UBXN7: variants seen among roughly 807,000 people sequenced by gnomAD.
UBXN7 encodes UBX domain-containing protein 7.
In UBXN7, 9 loss-of-function variants were observed where a neutral mutation model predicts 58.0. The ratio of observed to expected loss-of-function variants is 0.16; its 90% CI spans 0.09 to 0.27. The LOEUF is 0.27. Ranked by LOEUF, UBXN7 falls within the 10% of genes least tolerant of loss-of-function variation. The pLI is 1.00. For missense variants in UBXN7, 328 were observed against 599.6 expected, an observed-to-expected ratio of 0.55 and a Z score of 4.73; for synonymous variants, 208 against 205.0, an observed-to-expected ratio of 1.01 and a Z score of -0.12.
Position 196,362,392 on chromosome 3 carries a change from G to A in UBXN7, c.1130C>T (p.Thr377Ile), listed in dbSNP as rs751775076. The A allele has an allele frequency of 1.9e-6, 3 of 1,614,206 alleles. No homozygotes were observed. The highest frequency in any genetic ancestry group is 2.5e-6 in the Non-Finnish European group (3 of 1,180,048). Residue 377 changes from threonine (T) to isoleucine (I), a missense_variant, in exon 9 of 11, where the codon ACA becomes ATA. Around this residue, in one of 4 missense-constraint regions of UBXN7, gnomAD observed 66 missense variants for 77.9 expected, o/e 0.85. Coordinates refer to ENST00000296328, the MANE Select transcript of UBXN7 (RefSeq NM_015562.2). ...TEPPVRTDPGTATNHQGLPAV... is the reference protein window; with the variant it reads ...TEPPVRTDPGIATNHQGLPAV... The stretch of plus-strand genomic sequence containing the variant: ...TGGCAATCCTTGGTGGTTTGTGGCT[G>A]TTCCAGGATCAGTTCTGACTGGTGG...
At chr3:196,370,496 G>C (rs1020781622) in intron 6 of UBXN7, among the ~76,000 whole-genome samples, 1 of 150,930 alleles carries the variant, frequency 6.6e-6, no homozygotes. Flanking sequence ...AAGAAAGAAA[G>C]AAAAAAAGAT....
At chr3:196,417,172 G>T (rs1730518461) in intron 1 of UBXN7, among the ~76,000 whole-genome samples, 1 of 152,150 alleles carries the variant, frequency 6.6e-6, no homozygotes. Flanking sequence ...AATTAGCCGG[G>T]CGTGGTGGCG....
intron 2 of UBXN7, 30 bp downstream of exon 2, chr3:196,407,216 A>G (rs747198809): frequency 8.7e-6 from 14 of 1,605,392 alleles, no homozygotes; most frequent in African/African-American, 1.3e-5. Flanking sequence ...GGCAATGGAT[A>G]GCTCCTGACA....
chr3:196,358,361 T>C (rs1358074512), intron 10 of UBXN7, among the ~76,000 whole-genome samples: 3 of 152,226 alleles, frequency 2.0e-5, no homozygotes, highest in African/African-American at 7.2e-5. Flanking sequence ...TTCTATTCCA[T>C]GCAGGCATGA....
chr3:196,418,216 G>A (rs1159263481), intron 1 of UBXN7, among the ~76,000 whole-genome samples: 4 of 151,820 alleles, frequency 2.6e-5, no homozygotes, highest in African/African-American at 4.8e-5. Flanking sequence ...CAGCCTGGGC[G>A]ACAGCAAGAC....
At chr3:196,431,823 G>A (rs1731063410) in intron 1 of UBXN7, 1 of 402,824 alleles carries the variant, frequency 2.5e-6, no homozygotes, top group Non-Finnish European at 5.0e-6. Flanking sequence ...AACCCGCCAG[G>A]GCCACGGCGA....
At chr3:196,401,344 C>CA (rs1196217403) in intron 3 of UBXN7, among the ~76,000 whole-genome samples, 2 of 111,610 alleles carry the variant, frequency 1.8e-5, no homozygotes, top group Non-Finnish European at 3.6e-5. Context: ...CACATATATA[C>CA]AAAAAATAAA....
chr3:196,417,724 T>A (rs12185987), intron 1 of UBXN7, among the ~76,000 whole-genome samples: 4,887 of 31,646 alleles, frequency 0.15, 979 homozygotes, highest in East Asian at 0.49. Context: ...GCAAAATGGT[T>A]AAAAAAAAAA....
At chr3:196,388,099 A>G (rs2108843521) in intron 5 of UBXN7, among the ~76,000 whole-genome samples, 1 of 152,170 alleles carries the variant, frequency 6.6e-6, no homozygotes, top group South Asian at 2.1e-4. Context: ...TACAACATGG[A>G]ATACTATGCA....
chr3:196,381,386 G>C (rs1203034501), intron 5 of UBXN7, among the ~76,000 whole-genome samples: 1 of 152,220 alleles, frequency 6.6e-6, no homozygotes, highest in African/African-American at 2.4e-5. Flanking sequence ...CAGACCTACA[G>C]CTGAGGGACC....
At chr3:196,423,906 T>C (rs959536785) in intron 1 of UBXN7, among the ~76,000 whole-genome samples, 13 of 151,006 alleles carry the variant, frequency 8.6e-5, no homozygotes, top group African/African-American at 2.9e-4. Context: ...TTTTTTTTTT[T>C]TGAGACAGAG....
chr3:196,385,033 C>T (rs927814220), intron 5 of UBXN7, among the ~76,000 whole-genome samples: 9 of 152,186 alleles, frequency 5.9e-5, no homozygotes, highest in African/African-American at 9.6e-5. Context: ...CCCCTTTGCA[C>T]GGTCTCCCTC....
intron 1 of UBXN7, 35 bp downstream of exon 1, chr3:196,432,292 C>G (rs773152145): frequency 6.2e-6 from 10 of 1,612,368 alleles, no homozygotes; most frequent in Admixed American, 1.7e-5. Context: ...CGCTCCGGAC[C>G]CCACTCTCCA....
At position 196,351,166 on chromosome 3, in the gene UBXN7, T is replaced by C. The variant is rs1207218354; in HGVS notation, c.*5519A>G. The C allele has an allele frequency of 6.6e-6, 1 of 152,244 alleles. No individual in the cohort carries two copies. Among genetic ancestry groups the C allele is most frequent in the East Asian group, 1.9e-4 (1 of 5,198 alleles). The allele number at this position is 152,244 out of a possible 1,614,324, so 9.4% of individuals were successfully genotyped here. ...ACATTTTTAAGTCAGCCTAATTGTA[T>C]CTTTAAAAAGCTGTTTCTGCCAAAA... On this transcript the variant is annotated 3_prime_UTR_variant, in exon 11 of 11. Transcript: ENST00000296328.
chr3:196,355,435 G>A lies in UBXN7; in HGVS notation c.*1250C>T, dbSNP rs775790107. 7 of 152,128 alleles carry A rather than the reference G, an allele frequency of 4.6e-5. No individual in the cohort carries two copies. The highest frequency in any genetic ancestry group is 1.0e-4 in the Non-Finnish European group (7 of 68,024). 9.4% of individuals were successfully genotyped at this position (152,128 alleles called of 1,614,324 possible). A position where few individuals can be genotyped will look rare whatever the true frequency, so the allele number is the denominator to read the frequency against. On this transcript the variant is annotated 3_prime_UTR_variant, in exon 11 of 11. Coordinates refer to ENST00000296328, the MANE Select transcript of UBXN7 (RefSeq NM_015562.2). ...AATTTGATTTTGGGTTTTGTTGGCAGAAAAAGCCCAAGACATCTGAAAATT... is the reference window on the plus strand; with the variant it reads ...AATTTGATTTTGGGTTTTGTTGGCAAAAAAAGCCCAAGACATCTGAAAATT...
intron 1 of UBXN7, among the ~76,000 whole-genome samples, chr3:196,420,915 C>CTTT (rs1308630626): frequency 2.0e-5 from 3 of 152,156 alleles, no homozygotes; most frequent in Non-Finnish European, 4.4e-5. Flanking sequence ...GTCACAGAGA[C>CTTT]TTTTAAAAAC....
chr3:196,413,208 G>A lies in UBXN7; in HGVS notation c.74-5815C>T, dbSNP rs189745504. ...CAAAAATTAGCCAGGTGTGGTGGTG[G>A]GCACCCGTAATCCCAGCTACTGGGC... On this transcript the variant is annotated intron_variant, in intron 1 of 10. Coordinates refer to ENST00000296328, the MANE Select transcript of UBXN7 (RefSeq NM_015562.2). Among the ~76,000 whole-genome samples the A allele has an allele frequency of 4.2e-3, 641 of 152,090 alleles. 5 individuals are homozygous for A. Among genetic ancestry groups the A allele is most frequent in the African/African-American group, 0.014 (597 of 41,504 alleles).
chr3:196,381,824 C>G (rs554528888), intron 5 of UBXN7, among the ~76,000 whole-genome samples: 4 of 152,130 alleles, frequency 2.6e-5, no homozygotes, highest in Non-Finnish European at 4.4e-5. Context: ...AACCACAGCA[C>G]GAGAACTTCG....
chr3:196,375,411 GT>G (rs1475936490), intron 5 of UBXN7, among the ~76,000 whole-genome samples: 1 of 152,080 alleles, frequency 6.6e-6, no homozygotes, highest in Non-Finnish European at 1.5e-5. Context: ...AAGGCAAGGA[GT>G]TCGAGACCAC....
Sources: allele counts gnomAD v4.1 joint callset (sites outside exome capture counted in the v4.1 genomes callset), GRCh38; gene constraint gnomAD v4.1.1; regional missense constraint gnomAD v4.1.1; transcripts MANE v1.5; gene names NCBI Gene and HGNC (gene_info 2026-07-23, HGNC 2026-07-21).